SLC29A4: variants seen among roughly 807,000 people sequenced by gnomAD.
SLC29A4 encodes the protein equilibrative nucleoside transporter 4.
Under a neutral mutation model 43.9 loss-of-function variants are expected in SLC29A4, and 36 were observed. The observed-to-expected ratio is 0.82, with a 90% CI of 0.63 to 1.08. The LOEUF (loss-of-function observed/expected upper bound fraction) is 1.08. SLC29A4 is among the 50% of genes least tolerant of loss of function. The pLI, the probability that SLC29A4 is intolerant of heterozygous loss-of-function variation, is 0.00. For missense variants in SLC29A4, 869 were observed against 755.3 expected, an observed-to-expected ratio of 1.15 and a Z score of -1.77; for synonymous variants, 491 against 338.0, an observed-to-expected ratio of 1.45 and a Z score of -4.97.
At chr7:5,283,675 G>T (rs981287075) in intron 1 of SLC29A4, among the ~76,000 whole-genome samples, 1 of 152,194 alleles carries the variant, frequency 6.6e-6, no homozygotes, top group Admixed American at 6.5e-5. Flanking sequence ...GGCCGGAGGG[G>T]CTTGTAACCC....
intron 1 of SLC29A4, among the ~76,000 whole-genome samples, chr7:5,284,030 C>CG (rs1191671827): frequency 2.6e-4 from 24 of 93,904 alleles, no homozygotes; most frequent in African/African-American, 8.9e-4. Context: ...CTGAGCTGCA[C>CG]GACCCCCCCC....
At chr7:5,296,903 A>G (rs1427924615) in intron 6 of SLC29A4, 33 bp from the exon 7 acceptor site, 1 of 1,445,918 alleles carries the variant, frequency 6.9e-7, no homozygotes, top group South Asian at 1.2e-5. Context: ...AGCTGGGCGG[A>G]TCAGGCCCCG....
At position 5,296,965 on chromosome 7, in the gene SLC29A4, C is replaced by A; in HGVS notation, c.649C>A (p.Arg217Ser). ...STAGVMISLS[R>S]ILTKLLLPDE... ...GGCGGGCGTGATGATCTCTCTGAGC[C>A]GCATCCTCACGAAGCTGCTGCTGCC... Residue 217 changes from arginine to serine, a missense_variant, in exon 7 of 11, where the codon CGC (arginine) becomes AGC (serine). Transcript: ENST00000396872. 6.3e-7 allele frequency: 1 copy of A among 1,598,508 alleles called. No homozygotes were observed. Among genetic ancestry groups the A allele is most frequent in the East Asian group, 2.2e-5 (1 of 44,834 alleles).
chr7:5,302,843 C>A lies in SLC29A4; in HGVS notation c.1497C>A (p.Ser499=). ...ACATGTCAGGGCTGACGCTGGGGTC[C>A]GCCGTGGCCTACTGCACCTACAGCC... is the stretch of plus-strand genomic sequence containing the variant. ...VSYMSGLTLG[S]AVAYCTYSLT... The change falls in exon 11 of 11, where the codon TCC becomes TCA. Residue 499 remains serine (S), a synonymous_variant. Coordinates refer to ENST00000396872, the MANE Select transcript of SLC29A4 (RefSeq NM_153247.4). 1 of 1,584,696 alleles carries A rather than the reference C, an allele frequency of 6.3e-7. No homozygotes were observed.
In SLC29A4 at chr7:5,303,282, C is replaced by T. The variant is rs111852706; in HGVS notation, c.*343C>T. On this transcript the variant is annotated 3_prime_UTR_variant, in exon 11 of 11. Transcript: ENST00000396872. ...CGCACCGTGTCCCCACCCAGGACAG[C>T]AGACACCCGCCAGAGTGTGCGCGCC... 3.8e-4 allele frequency: 142 copies of T among 377,846 alleles called. No homozygotes were observed. The highest frequency in any genetic ancestry group is 7.6e-4 in the Middle Eastern group (1 of 1,312). 23.4% of individuals were successfully genotyped at this position (377,846 alleles called of 1,614,324 possible).
At chr7:5,283,379 A>G (rs1038616014) in intron 1 of SLC29A4, among the ~76,000 whole-genome samples, 1 of 148,866 alleles carries the variant, frequency 6.7e-6, no homozygotes, top group African/African-American at 2.5e-5. Flanking sequence ...TCCTCCCCGG[A>G]CCCCCCCGCG....
At chr7:5,289,475 C>A (rs1363235518) in intron 2 of SLC29A4, among the ~76,000 whole-genome samples, 10 of 152,126 alleles carry the variant, frequency 6.6e-5, no homozygotes, top group Non-Finnish European at 1.5e-4. Context: ...CATGGACAGT[C>A]TGGAACCCAC....
intron 7 of SLC29A4, among the ~76,000 whole-genome samples, chr7:5,298,517 C>T (rs542723194): frequency 3.9e-5 from 6 of 152,152 alleles, no homozygotes; most frequent in East Asian, 3.9e-4. Context: ...GAGAGCCAGG[C>T]GCAGTGGCTC....
chr7:5,287,856 G>A lies in SLC29A4; in HGVS notation c.40G>A (p.Val14Met), dbSNP rs760181725. Reference sequence around the variant, plus strand: ...GAGCCAGCGCCTTGAGGAGCCCAGCGTGGCAGGCACACCAGACCCGGGCGT... The same window carrying A: ...GAGCCAGCGCCTTGAGGAGCCCAGCATGGCAGGCACACCAGACCCGGGCGT... Reference protein sequence around the residue: ...VGSQRLEEPSVAGTPDPGVVM... With the variant: ...VGSQRLEEPSMAGTPDPGVVM... The change falls in exon 2 of 11, where the codon GTG becomes ATG. Residue 14 changes from valine (V) to methionine (M), a missense_variant. By Grantham distance (21) the Val-to-Met change is conservative. Coordinates refer to ENST00000396872, the MANE Select transcript of SLC29A4 (RefSeq NM_153247.4). 2.0e-5 allele frequency: 32 copies of A among 1,611,872 alleles called. No individual in the cohort carries two copies. The highest frequency in any genetic ancestry group is 1.0e-4 in the Admixed American group (6 of 59,988).
At chr7:5,297,449 G>A (rs12534890) in intron 7 of SLC29A4, among the ~76,000 whole-genome samples, 1 of 152,186 alleles carries the variant, frequency 6.6e-6, no homozygotes, top group Non-Finnish European at 1.5e-5. Context: ...GATCTGCCCA[G>A]CTGCTGTGCC....
intron 1 of SLC29A4, among the ~76,000 whole-genome samples, chr7:5,284,366 CCT>C (rs761016315): frequency 1.3e-5 from 2 of 152,176 alleles, no homozygotes; most frequent in Non-Finnish European, 2.9e-5. Context: ...CCACCCAGTC[CCT>C]GTTTGTGACG....
chr7:5,297,339 C>T (rs1361766050), intron 7 of SLC29A4, 141 bp downstream of exon 7: 7 of 1,014,910 alleles, frequency 6.9e-6, no homozygotes, highest in Admixed American at 6.3e-5. Flanking sequence ...TCCTTCCTGC[C>T]AGCCTCCTTT....
At chr7:5,288,464 C>T (rs1481966948) in intron 2 of SLC29A4, among the ~76,000 whole-genome samples, 1 of 151,862 alleles carries the variant, frequency 6.6e-6, no homozygotes, top group Non-Finnish European at 1.5e-5. Flanking sequence ...GCCACCGTGC[C>T]CAGCTAATTT....
At position 5,299,053 on chromosome 7, in the gene SLC29A4, C is replaced by T. The variant is rs145143117; in HGVS notation, c.948C>T (p.Thr316=). The part of the protein sequence containing the change: ...SPKDSPAHEV[T]GSGGAYMRFD... ...AGGACAGCCCAGCCCACGAGGTGAC[C>T]GGCAGCGGCGGGGCCTACATGCGCT... Residue 316 remains threonine (T), a synonymous_variant, in exon 8 of 11, where the codon ACC becomes ACT. Transcript: ENST00000396872. 1.5e-4 allele frequency: 243 copies of T among 1,611,774 alleles called. No individual in the cohort carries two copies. Among genetic ancestry groups the T allele is most frequent in the South Asian group, 2.2e-4 (20 of 91,046 alleles).
chr7:5,299,257 T>C lies in SLC29A4; in HGVS notation c.1039T>C (p.Tyr347His). The change falls in exon 9 of 11, where the codon TAC becomes CAC. Residue 347 changes from tyrosine (Y) to histidine (H), a missense_variant. Transcript: ENST00000396872. ...CCCTCCAGCCCTGTTACTGCACCGC[T>C]ACGTGGTGGCGCGGGTGATCTGGGC... is the stretch of plus-strand genomic sequence containing the variant. ...PTFRALLLHR[Y>H]VVARVIWADM... is the part of the protein sequence containing the mutation. 6.2e-7 allele frequency: 1 copy of C among 1,612,202 alleles called. No homozygotes were observed. The highest frequency in any genetic ancestry group is 8.5e-7 in the Non-Finnish European group (1 of 1,179,894).
intron 5 of SLC29A4, 89 bp downstream of exon 5, chr7:5,291,910 A>G: frequency 6.6e-7 from 1 of 1,521,280 alleles, no homozygotes; most frequent in Non-Finnish European, 8.8e-7. Context: ...GTGGCATGTG[A>G]CATGATGGGA....
intron 1 of SLC29A4, among the ~76,000 whole-genome samples, chr7:5,285,215 C>T (rs1326402958): frequency 2.0e-5 from 3 of 152,316 alleles, no homozygotes; most frequent in East Asian, 1.9e-4. Flanking sequence ...GAGCCACCCT[C>T]GTTCAAGCCC....
At chr7:5,290,905 C>A (rs768554797) in intron 3 of SLC29A4, 42 bp downstream of exon 3, 9 of 1,577,746 alleles carry the variant, frequency 5.7e-6, no homozygotes, top group Non-Finnish European at 6.0e-6. Context: ...CAGCATCCTC[C>A]ATCATGGCCT....
intron 10 of SLC29A4, among the ~76,000 whole-genome samples, chr7:5,301,344 G>A (rs201677296): frequency 2.0e-5 from 3 of 152,216 alleles, no homozygotes; most frequent in East Asian, 3.9e-4. Flanking sequence ...CAGAGAAACA[G>A]GAGTGATGGG....
Sources: allele counts gnomAD v4.1 joint callset (sites outside exome capture counted in the v4.1 genomes callset), GRCh38; gene constraint gnomAD v4.1.1; transcripts MANE v1.5; gene names NCBI Gene and HGNC (gene_info 2026-07-23, HGNC 2026-07-21).